The following PRKAR1B variants were observed in gnomAD, a reference collection of about 807,000 sequenced individuals.
The protein encoded by PRKAR1B is cAMP-dependent protein kinase type I-beta regulatory subunit.
Under a neutral mutation model 46.5 loss-of-function variants are expected in PRKAR1B, and 22 were observed. The ratio of observed to expected loss-of-function variants is 0.47; its 90% CI spans 0.34 to 0.68. PRKAR1B has a LOEUF of 0.68. PRKAR1B is among the 30% of genes least tolerant of loss of function. The pLI, the probability that PRKAR1B is intolerant of heterozygous loss-of-function variation, is 0.01. For synonymous variants in PRKAR1B, 259 were observed against 217.7 expected, an observed-to-expected ratio of 1.19 and a Z score of -1.67; for missense variants, 445 against 535.6, an observed-to-expected ratio of 0.83 and a Z score of 1.67.
chr7:635,638 C>T (rs1341468793), intron 4 of PRKAR1B, among the ~76,000 whole-genome samples: 1 of 152,192 alleles, frequency 6.6e-6, no homozygotes, highest in Non-Finnish European at 1.5e-5. Flanking sequence ...CCAGACTATC[C>T]TGTGAACAGC....
intron 4 of PRKAR1B, among the ~76,000 whole-genome samples, chr7:632,099 G>A (rs1312191374): frequency 3.9e-5 from 6 of 152,214 alleles, no homozygotes; most frequent in Non-Finnish European, 8.8e-5. Flanking sequence ...CAGCGTCTCC[G>A]TGTGACCCTC....
chr7:592,101 G>A (rs2128453930), intron 7 of PRKAR1B, among the ~76,000 whole-genome samples: 1 of 152,262 alleles, frequency 6.6e-6, no homozygotes, highest in South Asian at 2.1e-4. Context: ...GGACTTGCCA[G>A]GCAGGTCCCG....
At chr7:726,579 C>CGATAA in intron 1 of PRKAR1B, 2 of 617,530 alleles carry the variant, frequency 3.2e-6, no homozygotes, top group Non-Finnish European at 4.7e-6. Context: ...GCGAGCACGA[C>CGATAA]AAGAGCACAG....
At chr7:570,177 C>T (rs909699058) in intron 9 of PRKAR1B, among the ~76,000 whole-genome samples, 9 of 152,192 alleles carry the variant, frequency 5.9e-5, no homozygotes, top group Non-Finnish European at 1.3e-4. Flanking sequence ...AGGGAGGACG[C>T]GCGGCCGGTG....
intron 4 of PRKAR1B, among the ~76,000 whole-genome samples, chr7:654,557 A>T (rs1785090544): frequency 1.3e-5 from 2 of 151,102 alleles, no homozygotes; most frequent in Admixed American, 1.3e-4. Context: ...CACCATCACC[A>T]TCATCACCAT....
chr7:610,220 C>T (rs970953042), intron 4 of PRKAR1B, among the ~76,000 whole-genome samples: 1 of 152,218 alleles, frequency 6.6e-6, no homozygotes, highest in African/African-American at 2.4e-5. Flanking sequence ...GGCTCACGTT[C>T]CACTCACGTG....
chr7:623,227 G>A (rs991176683), intron 4 of PRKAR1B, among the ~76,000 whole-genome samples: 6 of 152,206 alleles, frequency 3.9e-5, no homozygotes, highest in Non-Finnish European at 8.8e-5. Context: ...TGGCATCATG[G>A]AAAGCAGAGC....
At chr7:697,214 G>C (rs1379585233) in intron 2 of PRKAR1B, 2 of 152,174 alleles carry the variant, frequency 1.3e-5, no homozygotes, top group Non-Finnish European at 2.9e-5. Context: ...GGGGGATGAA[G>C]TGCAGACGTC....
In PRKAR1B at chr7:602,642, C is replaced by T. The variant is rs901554666; in HGVS notation, c.549+3551G>A. On this transcript the variant is annotated intron_variant, in intron 6 of 10. Coordinates refer to ENST00000537384, the MANE Select transcript of PRKAR1B (RefSeq NM_001164760.2). This position sits in a 1 kb window ranked among gnomAD's most constrained non-coding sequence, Gnocchi z 6.4. ...CCCGCGCTGAAGATGAGGACAAGCC[C>T]GGGGCGTGGGTGGTGGGCGTTTCCT... 9.4e-5 allele frequency: 16 copies of T among 170,030 alleles called. No homozygotes were observed. Among genetic ancestry groups the T allele is most frequent in the Non-Finnish European group, 2.2e-4 (15 of 68,758 alleles). 10.5% of individuals were successfully genotyped at this position (170,030 alleles called of 1,614,324 possible). A position where few individuals can be genotyped will look rare whatever the true frequency, so the allele number is the denominator to read the frequency against.
At chr7:650,623 G>A (rs1037440219) in intron 4 of PRKAR1B, among the ~76,000 whole-genome samples, 4 of 152,256 alleles carry the variant, frequency 2.6e-5, no homozygotes, top group African/African-American at 9.6e-5. Flanking sequence ...CCTGTGGAAT[G>A]GAGGCGCAAT....
intron 8 of PRKAR1B, among the ~76,000 whole-genome samples, chr7:583,398 C>T (rs879308067): frequency 2.0e-5 from 3 of 149,310 alleles, no homozygotes; most frequent in African/African-American, 4.9e-5. Flanking sequence ...CTCACACCCC[C>T]CACACGTGTG....
chr7:676,081 T>A (rs986786523), intron 4 of PRKAR1B, among the ~76,000 whole-genome samples: 1 of 151,852 alleles, frequency 6.6e-6, no homozygotes, highest in Non-Finnish European at 1.5e-5. Flanking sequence ...ACGCCCCGAG[T>A]ATGGGAAAAC....
chr7:647,799 C>T (rs1194451598), intron 4 of PRKAR1B, among the ~76,000 whole-genome samples: 2 of 110,476 alleles, frequency 1.8e-5, no homozygotes, highest in Non-Finnish European at 3.5e-5. Context: ...AACGAGACTT[C>T]GTCTCCAAAA....
intron 1 of PRKAR1B, among the ~76,000 whole-genome samples, chr7:715,042 G>A (rs1780824542): frequency 6.6e-6 from 1 of 151,960 alleles, no homozygotes; most frequent in Non-Finnish European, 1.5e-5. Flanking sequence ...AAAATTAGCC[G>A]GGCATGGTCA....
chr7:639,795 G>A (rs1437989036), intron 4 of PRKAR1B, among the ~76,000 whole-genome samples: 2 of 151,808 alleles, frequency 1.3e-5, no homozygotes, highest in African/African-American at 2.4e-5. Context: ...TCGAGGCTGC[G>A]GTGAGCCATG....
Position 716,763 on chromosome 7 carries a change from T to C in PRKAR1B, c.-22-5236A>G, listed in dbSNP as rs535540315. On this transcript the variant is annotated intron_variant, in intron 1 of 10. Coordinates refer to ENST00000537384, the MANE Select transcript of PRKAR1B (RefSeq NM_001164760.2). Reference sequence around the variant, plus strand: ...CAGCATGTCGTGGTTTGAGGTGGGATCTGTAGGTGGGCTTCCTGGGTGCGG... The same window carrying C: ...CAGCATGTCGTGGTTTGAGGTGGGACCTGTAGGTGGGCTTCCTGGGTGCGG... 2.0e-5 allele frequency: 3 copies of C among 152,318 alleles called. No homozygotes were observed. In the East Asian group the frequency reaches 5.8e-4, roughly 29 times the overall value. The allele number at this position is 152,318 out of a possible 1,614,324, so 9.4% of individuals were successfully genotyped here. A position where few individuals can be genotyped will look rare whatever the true frequency, so the allele number is the denominator to read the frequency against.
chr7:660,571 C>T (rs1193696419), intron 4 of PRKAR1B, among the ~76,000 whole-genome samples: 9 of 96,790 alleles, frequency 9.3e-5, no homozygotes, highest in East Asian at 4.0e-4. Context: ...TACTCTCCCC[C>T]CCATGGCACA....
intron 6 of PRKAR1B, among the ~76,000 whole-genome samples, chr7:601,624 G>A (rs916977296): frequency 2.0e-5 from 3 of 152,186 alleles, no homozygotes; most frequent in Non-Finnish European, 4.4e-5. Context: ...GGCCCCGCCC[G>A]GCCCCGCCGG....
In PRKAR1B at chr7:715,721, AT is replaced by A. The variant is rs1021739327; in HGVS notation, c.-22-4195del. Reference sequence around the variant, plus strand: ...AACTCCAACCAAAGAGCCACATTTTATTTTTTTTTTTTGAGACAGAGTCTCA... The same window carrying A: ...AACTCCAACCAAAGAGCCACATTTTATTTTTTTTTTTGAGACAGAGTCTCA... On this transcript the variant is annotated intron_variant, in intron 1 of 10. Coordinates refer to ENST00000537384, the MANE Select transcript of PRKAR1B (RefSeq NM_001164760.2). Among the ~76,000 whole-genome samples, 1,287 of 146,082 alleles carry A rather than the reference AT, an allele frequency of 8.8e-3. 13 individuals are homozygous for A. The highest frequency in any genetic ancestry group is 0.018 in the African/African-American group (726 of 40,134).
Sources: allele counts gnomAD v4.1 joint callset (sites outside exome capture counted in the v4.1 genomes callset), GRCh38; gene constraint gnomAD v4.1.1; non-coding constraint Gnocchi (gnomAD v3.1); transcripts MANE v1.5; gene names NCBI Gene and HGNC (gene_info 2026-07-23, HGNC 2026-07-21).